Variants in PRKD1 observed in about 807,000 individuals in gnomAD.
PRKD1 encodes the protein protein kinase D1, also known as serine/threonine-protein kinase D1.
A neutral mutation model predicts 95.9 loss-of-function variants in PRKD1; 63 were observed. The ratio of observed to expected loss-of-function variants is 0.66; its 90% CI spans 0.54 to 0.81. PRKD1 has a LOEUF of 0.81. Ranked by LOEUF, PRKD1 falls within the 30% of genes least tolerant of loss-of-function variation. PRKD1 has a pLI of 0.00. For synonymous variants in PRKD1, 425 were observed against 423.1 expected, an observed-to-expected ratio of 1.00 and a Z score of -0.05; for missense variants, 1,048 against 1,165.3, an observed-to-expected ratio of 0.90 and a Z score of 1.47.
intron 1 of PRKD1, among the ~76,000 whole-genome samples, chr14:29,876,773 A>T (rs564796967): frequency 6.6e-6 from 1 of 152,342 alleles, no homozygotes; most frequent in East Asian, 1.9e-4. Context: ...GGACTTGAAT[A>T]AATATTTCTC....
intron 16 of PRKD1, among the ~76,000 whole-genome samples, chr14:29,580,641 A>T (rs1424888005): frequency 6.6e-6 from 1 of 152,096 alleles, no homozygotes; most frequent in Non-Finnish European, 1.5e-5. Flanking sequence ...GAACTCTTAA[A>T]ATATCCTTTT....
chr14:29,711,114 G>T (rs1885315071), intron 2 of PRKD1, among the ~76,000 whole-genome samples: 1 of 152,076 alleles, frequency 6.6e-6, no homozygotes, highest in Non-Finnish European at 1.5e-5. Context: ...GGACAAAATA[G>T]ATGAATCTAT....
chr14:29,813,545 T>A (rs985552402), intron 1 of PRKD1, among the ~76,000 whole-genome samples: 2 of 152,152 alleles, frequency 1.3e-5, no homozygotes, highest in Non-Finnish European at 2.9e-5. Context: ...CTCATTATAG[T>A]TCTAGGGAGA....
intron 2 of PRKD1, among the ~76,000 whole-genome samples, chr14:29,682,527 T>C (rs1232556823): frequency 1.3e-5 from 2 of 152,166 alleles, no homozygotes; most frequent in South Asian, 2.1e-4. Context: ...TTCATCAATA[T>C]CCCTTCCTTG....
At chr14:29,710,684 A>G (rs1283716510) in intron 2 of PRKD1, among the ~76,000 whole-genome samples, 1 of 152,200 alleles carries the variant, frequency 6.6e-6, no homozygotes, top group Non-Finnish European at 1.5e-5. Flanking sequence ...AGTTCAAATC[A>G]TATACCAATG....
intron 10 of PRKD1, 75 bp from the exon 11 acceptor site, chr14:29,629,168 C>T (rs1879823795): frequency 8.0e-7 from 1 of 1,242,798 alleles, no homozygotes; most frequent in Non-Finnish European, 1.2e-6. Context: ...TAAGTACATG[C>T]TTACAAATCA....
chr14:29,885,737 T>G (rs1212160556), intron 1 of PRKD1, among the ~76,000 whole-genome samples: 1 of 136,160 alleles, frequency 7.3e-6, no homozygotes, highest in Non-Finnish European at 1.5e-5. Context: ...AAAGCTGAGG[T>G]GGGCGGATCA....
At chr14:29,879,159 C>T (rs1453101475) in intron 1 of PRKD1, among the ~76,000 whole-genome samples, 7 of 152,170 alleles carry the variant, frequency 4.6e-5, no homozygotes, top group Non-Finnish European at 1.0e-4. Context: ...TGCACCAAAT[C>T]CTTCTCTATT....
At chr14:29,906,286 CCCA>C (rs1894492916) in intron 1 of PRKD1, among the ~76,000 whole-genome samples, 1 of 152,034 alleles carries the variant, frequency 6.6e-6, no homozygotes, top group African/African-American at 2.4e-5. Flanking sequence ...TGCCTGCAAC[CCCA>C]GCACTTTGGG....
chr14:29,699,955 T>C (rs540367275), intron 2 of PRKD1, among the ~76,000 whole-genome samples: 3 of 152,132 alleles, frequency 2.0e-5, no homozygotes, highest in Non-Finnish European at 4.4e-5. Flanking sequence ...TTTTGGAATG[T>C]ATTCTTTTTG....
chr14:29,813,516 A>G (rs1890574469), intron 1 of PRKD1, among the ~76,000 whole-genome samples: 1 of 152,194 alleles, frequency 6.6e-6, no homozygotes, highest in African/African-American at 2.4e-5. Context: ...TTGTGAGTAG[A>G]TGCCCAAATG....
chr14:29,808,373 CTT>C (rs34250184), intron 1 of PRKD1, among the ~76,000 whole-genome samples: 18 of 19,986 alleles, frequency 9.0e-4, no homozygotes, highest in Admixed American at 1.4e-3. Flanking sequence ...TCAGGCTCTA[CTT>C]TTTTTTTTTT....
At chr14:29,646,781 GCAA>G (rs1370458929) in intron 4 of PRKD1, among the ~76,000 whole-genome samples, 1 of 150,602 alleles carries the variant, frequency 6.6e-6, no homozygotes, top group Admixed American at 6.6e-5. Context: ...ACAGTCATCT[GCAA>G]CAACACTACA....
At chr14:29,843,336 T>A (rs912832411) in intron 1 of PRKD1, among the ~76,000 whole-genome samples, 1 of 152,094 alleles carries the variant, frequency 6.6e-6, no homozygotes, top group Non-Finnish European at 1.5e-5. Flanking sequence ...CATGAGAAAA[T>A]AAACTTCTAT....
intron 10 of PRKD1, 98 bp from the exon 11 acceptor site, chr14:29,629,191 G>A: frequency 2.1e-6 from 2 of 951,098 alleles, no homozygotes; most frequent in Non-Finnish European, 3.2e-6. Context: ...CTGCAAAAGT[G>A]GTTTTAACTA....
chr14:29,730,457 G>A (rs531499454), intron 1 of PRKD1, among the ~76,000 whole-genome samples: 89 of 152,194 alleles, frequency 5.8e-4, no homozygotes, highest in African/African-American at 2.0e-3. Context: ...CAGTATGGAG[G>A]TTCTTCAAAA....
intron 2 of PRKD1, among the ~76,000 whole-genome samples, chr14:29,703,191 C>T (rs1384093706): frequency 6.6e-6 from 1 of 152,180 alleles, no homozygotes; most frequent in African/African-American, 2.4e-5. Flanking sequence ...ATCCCAGCAT[C>T]TCCTATCACC....
At chr14:29,615,016 T>C (rs909607380) in intron 13 of PRKD1, among the ~76,000 whole-genome samples, 21 of 151,982 alleles carry the variant, frequency 1.4e-4, no homozygotes, top group Admixed American at 6.6e-4. Flanking sequence ...CCAGCCAATA[T>C]ACACATATTT....
chr14:29,902,744 A>C (rs1894360158), intron 1 of PRKD1, among the ~76,000 whole-genome samples: 2 of 152,204 alleles, frequency 1.3e-5, no homozygotes, highest in Non-Finnish European at 2.9e-5. Context: ...TCATTTTTAT[A>C]TTAGTAGTTC....
Sources: allele counts gnomAD v4.1 joint callset (sites outside exome capture counted in the v4.1 genomes callset), GRCh38; gene constraint gnomAD v4.1.1; transcripts MANE v1.5; gene names NCBI Gene and HGNC (gene_info 2026-07-23, HGNC 2026-07-21).